The following OLFM2 variants were observed in gnomAD, a reference collection of about 807,000 sequenced individuals.
OLFM2 encodes the protein noelin-2.
Under a neutral mutation model 43.9 loss-of-function variants are expected in OLFM2, and 20 were observed. That is an observed-to-expected ratio of 0.46 (90% CI 0.32 to 0.66). The LOEUF is 0.66. OLFM2 is among the 30% of genes least tolerant of loss of function. OLFM2 has a pLI of 0.04. For synonymous variants in OLFM2, 268 were observed against 278.6 expected, an observed-to-expected ratio of 0.96 and a Z score of 0.38; for missense variants, 416 against 643.6, an observed-to-expected ratio of 0.65 and a Z score of 3.83.
chr19:9,885,033 G>A (rs137892730), intron 1 of OLFM2, among the ~76,000 whole-genome samples: 404 of 152,266 alleles, frequency 2.7e-3, no homozygotes, highest in African/African-American at 9.3e-3. Context: ...AGCGGTCATG[G>A]AGTCAAAGGT....
rs1367382813 is a variant in OLFM2 at position 9,888,287 on chromosome 19, CTGAGGTGGGTGGATCATT to C, written c.64-27511_64-27494del. 2.2e-4 allele frequency among the ~76,000 whole-genome samples: 33 copies of C among 152,130 alleles called. 1 individual carries two copies. Among genetic ancestry groups the C allele is most frequent in the Middle Eastern group, 3.4e-3 (1 of 294 alleles). ...TCTGTAATCCCAGCACTTTGGGAGG[CTGAGGTGGGTGGATCATT>C]TGAGGTCGGGAGTTCGAGACCAGCC... is the stretch of plus-strand genomic sequence containing the variant. On this transcript the variant is annotated intron_variant, in intron 1 of 5. Transcript: ENST00000264833.
chr19:9,867,600 C>T (rs1269566416), intron 1 of OLFM2, among the ~76,000 whole-genome samples: 4 of 152,124 alleles, frequency 2.6e-5, no homozygotes, highest in African/African-American at 7.2e-5. Flanking sequence ...TTTATTTGTG[C>T]CCTGCCTTGT....
chr19:9,923,218 T>G (rs1210842384), intron 1 of OLFM2, among the ~76,000 whole-genome samples: 1 of 152,174 alleles, frequency 6.6e-6, no homozygotes, highest in African/African-American at 2.4e-5. Flanking sequence ...TTGTGGTCAT[T>G]TGTGGACATG....
chr19:9,869,167 T>C (rs1318553111), intron 1 of OLFM2, among the ~76,000 whole-genome samples: 1 of 152,266 alleles, frequency 6.6e-6, no homozygotes, highest in Non-Finnish European at 1.5e-5. Flanking sequence ...TATGCGGTTC[T>C]CAGTGTCCTG....
At chr19:9,897,898 G>A (rs2046700270) in intron 1 of OLFM2, among the ~76,000 whole-genome samples, 1 of 151,572 alleles carries the variant, frequency 6.6e-6, no homozygotes, top group Non-Finnish European at 1.5e-5. Context: ...GATTCTCCTT[G>A]TCTTTTATTT....
chr19:9,906,476 G>T (rs1402678084), intron 1 of OLFM2, among the ~76,000 whole-genome samples: 1 of 152,086 alleles, frequency 6.6e-6, no homozygotes. Context: ...GAAAGAGCGC[G>T]CCCAAGAGCT....
intron 1 of OLFM2, among the ~76,000 whole-genome samples, chr19:9,901,540 C>T (rs185571733): frequency 6.6e-5 from 10 of 152,132 alleles, no homozygotes; most frequent in South Asian, 4.1e-4. Context: ...CCAGGATGGC[C>T]GAGAACTCAG....
At chr19:9,892,801 G>A (rs904997405) in intron 1 of OLFM2, among the ~76,000 whole-genome samples, 98 of 152,266 alleles carry the variant, frequency 6.4e-4, no homozygotes, top group Non-Finnish European at 3.7e-4. Flanking sequence ...TTTGGGTGAC[G>A]CGGCTCAACA....
chr19:9,919,253 G>A (rs114214418), intron 1 of OLFM2, among the ~76,000 whole-genome samples: 9,314 of 149,426 alleles, frequency 0.062, 282 homozygotes, highest in African/African-American at 0.091. Context: ...TGCAAGTTCC[G>A]CTTCCCAGGC....
At chr19:9,902,960 G>A (rs900409522) in intron 1 of OLFM2, among the ~76,000 whole-genome samples, 1 of 150,174 alleles carries the variant, frequency 6.7e-6, no homozygotes, top group Non-Finnish European at 1.5e-5. Flanking sequence ...CCACGGGCGG[G>A]TACCACCACG....
At chr19:9,899,086 A>G (rs946605744) in intron 1 of OLFM2, among the ~76,000 whole-genome samples, 4 of 151,992 alleles carry the variant, frequency 2.6e-5, no homozygotes, top group Non-Finnish European at 5.9e-5. Flanking sequence ...CCAACATGGC[A>G]AAACCCCATC....
In OLFM2 at chr19:9,857,230, G is replaced by C; in HGVS notation, c.580+33C>G. The C allele has an allele frequency of 6.3e-7, 1 of 1,591,856 alleles. No homozygotes were observed. Reference sequence around the variant, plus strand: ...ACTGGAGTTGGGTGTGGCAGTCAGAGATCAGGGGTCAGGGTCAAGGGCCAA... The same window carrying C: ...ACTGGAGTTGGGTGTGGCAGTCAGACATCAGGGGTCAGGGTCAAGGGCCAA... On this transcript the variant is annotated intron_variant, in intron 4 of 5. Coordinates refer to ENST00000264833, the MANE Select transcript of OLFM2 (RefSeq NM_058164.4). This position sits in a 1 kb window ranked among gnomAD's most constrained non-coding sequence, Gnocchi z 5.7.
chr19:9,894,597 T>C (rs934276958), intron 1 of OLFM2, among the ~76,000 whole-genome samples: 10 of 150,152 alleles, frequency 6.7e-5, no homozygotes, highest in African/African-American at 2.5e-4. Context: ...TAATCCCAGC[T>C]ACTCGGGAGG....
intron 1 of OLFM2, among the ~76,000 whole-genome samples, chr19:9,887,503 C>T: frequency 6.6e-6 from 1 of 151,996 alleles, no homozygotes; most frequent in Non-Finnish European, 1.5e-5. Flanking sequence ...TATACCAATG[C>T]ATCAGCCTTA....
Position 9,856,872 on chromosome 19 carries a change from G to A in OLFM2, c.622C>T (p.Arg208Trp), listed in dbSNP as rs1343565418. The A allele has an allele frequency of 2.5e-6, 4 of 1,613,240 alleles. No individual in the cohort carries two copies. The highest frequency in any genetic ancestry group is 2.2e-5 in the East Asian group (1 of 44,862). The stretch of plus-strand genomic sequence containing the variant: ...GAGCCGAAGCGGGACCCCATGGCCC[G>A]AACGGTGATGGGGTTACTGACCCCG... ...LTGVSNPITVRAMGSRFGSWM... is the reference protein window; with the variant it reads ...LTGVSNPITVWAMGSRFGSWM... Residue 208 changes from arginine (R) to tryptophan (W), a missense_variant, in exon 5 of 6, where the codon CGG becomes TGG. By Grantham distance (101) the Arg-to-Trp change is moderately radical (BLOSUM62 -3). Transcript: ENST00000264833. This position sits in a 1 kb window ranked among gnomAD's most constrained non-coding sequence, Gnocchi z 4.0.
intron 1 of OLFM2, among the ~76,000 whole-genome samples, chr19:9,877,561 A>C (rs1316315152): frequency 2.6e-5 from 4 of 151,150 alleles, no homozygotes; most frequent in African/African-American, 9.7e-5. Context: ...TAAATAAATA[A>C]ATAAATAAAT....
chr19:9,907,416 G>A (rs1351543203), intron 1 of OLFM2, among the ~76,000 whole-genome samples: 3 of 151,736 alleles, frequency 2.0e-5, no homozygotes, highest in African/African-American at 7.3e-5. Context: ...GGGCCAAGAC[G>A]GTGCCACTGC....
chr19:9,904,049 C>T (rs1000586511), intron 1 of OLFM2, among the ~76,000 whole-genome samples: 1 of 152,100 alleles, frequency 6.6e-6, no homozygotes, highest in Non-Finnish European at 1.5e-5. Context: ...CTGAAGGCTG[C>T]ATTACCTGGT....
At chr19:9,875,900 T>C (rs543920443) in intron 1 of OLFM2, among the ~76,000 whole-genome samples, 40 of 152,200 alleles carry the variant, frequency 2.6e-4, no homozygotes, top group Non-Finnish European at 5.1e-4. Context: ...GCATGTCCCT[T>C]TTCTAACATT....
Sources: gnomAD v4.1 joint callset for allele counts (sites outside exome capture counted in the v4.1 genomes callset) on GRCh38, gnomAD v4.1.1 for gene constraint, Gnocchi (gnomAD v3.1) non-coding constraint, MANE v1.5 for transcripts, NCBI Gene and HGNC (gene_info 2026-07-23, HGNC 2026-07-21) for gene names.